The following PAFAH1B1 variants were observed in gnomAD, a reference collection of about 807,000 sequenced individuals.
PAFAH1B1 encodes the protein platelet-activating factor acetylhydrolase IB subunit beta.
PAFAH1B1 carries 2 observed loss-of-function variants against 57.5 expected under a neutral mutation model. That is an observed-to-expected ratio of 0.03 (90% CI 0.01 to 0.11). The LOEUF (loss-of-function observed/expected upper bound fraction) is 0.11, where lower values mean the gene tolerates loss of function less well. Ranked by LOEUF, PAFAH1B1 falls within the 10% of genes least tolerant of loss-of-function variation. PAFAH1B1 has a pLI of 1.00. For missense variants in PAFAH1B1, 257 were observed against 512.0 expected (o/e 0.50, Z 4.81); for synonymous variants, 152 against 169.6 (o/e 0.90, Z 0.81).
chr17:2,614,750 AT>A (rs1203320190), intron 1 of PAFAH1B1, among the ~76,000 whole-genome samples: 1 of 151,702 alleles, frequency 6.6e-6, no homozygotes, highest in African/African-American at 2.4e-5. Context: ...AGATTTTATA[AT>A]TTTTTCTTTT....
intron 2 of PAFAH1B1, among the ~76,000 whole-genome samples, chr17:2,646,496 T>C (rs1039248886): frequency 6.6e-6 from 1 of 152,032 alleles, no homozygotes; most frequent in Non-Finnish European, 1.5e-5. Context: ...CTACTAAAAA[T>C]ACAAAAATTA....
intron 2 of PAFAH1B1, among the ~76,000 whole-genome samples, chr17:2,643,902 C>A (rs1049137054): frequency 7.2e-5 from 11 of 151,918 alleles, no homozygotes; most frequent in Admixed American, 2.0e-4. Flanking sequence ...AGATTCAACC[C>A]CTTTCGCCCA....
chr17:2,659,693 TGGGC>T (rs1225196859), intron 2 of PAFAH1B1, among the ~76,000 whole-genome samples: 1 of 151,584 alleles, frequency 6.6e-6, no homozygotes, highest in Non-Finnish European at 1.5e-5. Context: ...AAAAATTAGC[TGGGC>T]ATGGTGGTGC....
chr17:2,633,147 T>G (rs1399471247), intron 1 of PAFAH1B1, among the ~76,000 whole-genome samples: 1 of 151,950 alleles, frequency 6.6e-6, no homozygotes, highest in Admixed American at 6.6e-5. Flanking sequence ...TCAAGATTTA[T>G]TTTTTTCTTT....
At chr17:2,626,314 A>G (rs1197666172) in intron 1 of PAFAH1B1, among the ~76,000 whole-genome samples, 1 of 152,158 alleles carries the variant, frequency 6.6e-6, no homozygotes, top group African/African-American at 2.4e-5. Context: ...TAACCATTAA[A>G]AGGCAACTGG....
intron 2 of PAFAH1B1, among the ~76,000 whole-genome samples, chr17:2,664,956 A>G (rs2069085242): frequency 7.3e-6 from 1 of 136,758 alleles, no homozygotes; most frequent in East Asian, 2.2e-4. Flanking sequence ...CTGCAAAACT[A>G]AATTCCAGCT....
At chr17:2,672,524 G>T (rs527905917) in intron 6 of PAFAH1B1, 131 bp from the exon 7 acceptor site, 5 of 681,708 alleles carry the variant, frequency 7.3e-6, no homozygotes, top group African/African-American at 1.8e-5. Context: ...TATCCAATTT[G>T]TATAAAATCC....
At chr17:2,601,726 A>T (rs1465164743) in intron 1 of PAFAH1B1, among the ~76,000 whole-genome samples, 1 of 151,960 alleles carries the variant, frequency 6.6e-6, no homozygotes, top group African/African-American at 2.4e-5. Context: ...ACAGGCATGC[A>T]CCACGGCGCC....
rs1025659883 is a variant in PAFAH1B1 at position 2,682,881 on chromosome 17, C to T, written c.*1079C>T. 2.6e-5 allele frequency: 4 copies of T among 152,688 alleles called. No individual in the cohort carries two copies. The East Asian group carries it at 7.7e-4, about 29-fold the overall frequency. 9.5% of individuals were successfully genotyped at this position (152,688 alleles called of 1,614,324 possible). On this transcript the variant is annotated 3_prime_UTR_variant, in exon 11 of 11. Transcript: ENST00000397195. ...AGCGTGCATAAAAATGTACTGTTTT[C>T]ACCTTTTGTTTATATGTAAATGTTT...
intron 1 of PAFAH1B1, among the ~76,000 whole-genome samples, chr17:2,597,002 A>C (rs1473580675): frequency 2.0e-5 from 3 of 152,124 alleles, no homozygotes; most frequent in African/African-American, 7.2e-5. Flanking sequence ...CGGAGGTTGC[A>C]GTGAGCCGAG....
intron 2 of PAFAH1B1, among the ~76,000 whole-genome samples, chr17:2,654,114 A>G (rs1048916892): frequency 1.3e-5 from 2 of 150,554 alleles, no homozygotes; most frequent in East Asian, 2.0e-4. Flanking sequence ...GCCAGTCACT[A>G]TACATTTAAA....
At chr17:2,627,696 A>G (rs975895269) in intron 1 of PAFAH1B1, among the ~76,000 whole-genome samples, 4 of 152,128 alleles carry the variant, frequency 2.6e-5, no homozygotes, top group Non-Finnish European at 2.9e-5. Flanking sequence ...CATTTTCACA[A>G]TATTCTACCC....
chr17:2,653,190 T>C (rs924033096), intron 2 of PAFAH1B1, among the ~76,000 whole-genome samples: 1 of 152,054 alleles, frequency 6.6e-6, no homozygotes, highest in African/African-American at 2.4e-5. Context: ...AAACACCACA[T>C]GTTCTCACTC....
chr17:2,655,179 A>G (rs1363845398), intron 2 of PAFAH1B1, among the ~76,000 whole-genome samples: 1 of 122,616 alleles, frequency 8.2e-6, no homozygotes, highest in African/African-American at 3.3e-5. Flanking sequence ...ATATATATAC[A>G]TATATGTGTG....
intron 9 of PAFAH1B1, among the ~76,000 whole-genome samples, chr17:2,678,439 G>A (rs931652844): frequency 6.8e-6 from 1 of 148,002 alleles, no homozygotes; most frequent in African/African-American, 2.5e-5. Flanking sequence ...GGTGGCGCAC[G>A]TCTGTAATCC....
chr17:2,645,319 C>T (rs149699869), intron 2 of PAFAH1B1, among the ~76,000 whole-genome samples: 1,672 of 152,042 alleles, frequency 0.011, 29 homozygotes, highest in African/African-American at 0.039. Flanking sequence ...AATCTGGGGC[C>T]GGGTGCAGTG....
chr17:2,611,865 T>C (rs1170756967), intron 1 of PAFAH1B1, among the ~76,000 whole-genome samples: 1 of 152,100 alleles, frequency 6.6e-6, no homozygotes, highest in Non-Finnish European at 1.5e-5. Flanking sequence ...TGAGAAGTGG[T>C]AAATACGTGT....
At chr17:2,657,600 A>G (rs1388597048) in intron 2 of PAFAH1B1, among the ~76,000 whole-genome samples, 1 of 152,148 alleles carries the variant, frequency 6.6e-6, no homozygotes, top group African/African-American at 2.4e-5. Flanking sequence ...TCCATAATGT[A>G]CCATTCTGAT....
chr17:2,599,907 G>A (rs1161977437), intron 1 of PAFAH1B1, among the ~76,000 whole-genome samples: 1 of 145,428 alleles, frequency 6.9e-6, no homozygotes, highest in African/African-American at 2.5e-5. Context: ...TTTAATTTTT[G>A]AAAGCATTGT....
Sources: gnomAD v4.1 joint callset for allele counts (sites outside exome capture counted in the v4.1 genomes callset) on GRCh38, gnomAD v4.1.1 for gene constraint, MANE v1.5 for transcripts, NCBI Gene and HGNC (gene_info 2026-07-23, HGNC 2026-07-21) for gene names.